ARHGAP26: variants seen among roughly 807,000 people sequenced by gnomAD.
ARHGAP26 encodes the protein Rho GTPase activating protein 26.
ARHGAP26 carries 38 observed loss-of-function variants against 104.8 expected under a neutral mutation model. The observed-to-expected ratio is 0.36, with a 90% CI of 0.28 to 0.48. ARHGAP26 has a LOEUF of 0.48. Ranked by LOEUF, ARHGAP26 falls within the 20% of genes least tolerant of loss-of-function variation. The pLI, the probability that ARHGAP26 is intolerant of heterozygous loss-of-function variation, is 0.99. For synonymous variants in ARHGAP26, 341 were observed against 340.0 expected (o/e 1.00, Z -0.03); for missense variants, 704 against 947.9 (o/e 0.74, Z 3.38).
chr5:142,887,873 G>C (rs979732063), intron 5 of ARHGAP26, among the ~76,000 whole-genome samples: 3 of 152,128 alleles, frequency 2.0e-5, no homozygotes, highest in African/African-American at 7.2e-5. Flanking sequence ...GCTGAGGCAG[G>C]AGAATTACTT....
At chr5:142,880,742 T>C (rs1343476274) in intron 4 of ARHGAP26, among the ~76,000 whole-genome samples, 1 of 152,168 alleles carries the variant, frequency 6.6e-6, no homozygotes, top group African/African-American at 2.4e-5. Context: ...TGGATTTTGC[T>C]TAGTTGCAAA....
chr5:142,795,633 G>A (rs562548190), intron 1 of ARHGAP26, among the ~76,000 whole-genome samples: 7 of 152,258 alleles, frequency 4.6e-5, no homozygotes, highest in South Asian at 2.1e-4. Flanking sequence ...AATTCCCTCC[G>A]TATCCACTTT....
chr5:143,142,212 C>T (rs956526373), intron 19 of ARHGAP26, among the ~76,000 whole-genome samples: 1 of 133,542 alleles, frequency 7.5e-6, no homozygotes, highest in South Asian at 2.5e-4. Context: ...GATCTTGGCT[C>T]ACTGCAACCT....
chr5:142,899,826 G>T (rs1039447048), intron 6 of ARHGAP26, among the ~76,000 whole-genome samples: 4 of 152,176 alleles, frequency 2.6e-5, no homozygotes, highest in African/African-American at 9.7e-5. Flanking sequence ...ATCAAGGCAT[G>T]AGACTAAAGG....
chr5:143,136,434 G>A (rs1797915039), intron 19 of ARHGAP26, among the ~76,000 whole-genome samples: 1 of 152,200 alleles, frequency 6.6e-6, no homozygotes, highest in Non-Finnish European at 1.5e-5. Flanking sequence ...ATACAGATAT[G>A]CTCAGATATT....
chr5:142,864,329 G>A (rs1325563189), intron 1 of ARHGAP26, among the ~76,000 whole-genome samples: 4 of 152,186 alleles, frequency 2.6e-5, no homozygotes, highest in Admixed American at 6.5e-5. Context: ...CTGTTTCCCC[G>A]GTGCATTTAA....
At chr5:143,183,341 C>T (rs1168682769) in intron 20 of ARHGAP26, among the ~76,000 whole-genome samples, 1 of 152,142 alleles carries the variant, frequency 6.6e-6, no homozygotes, top group African/African-American at 2.4e-5. Flanking sequence ...ATGGTAGGAC[C>T]TGCCTGCTGA....
intron 11 of ARHGAP26, among the ~76,000 whole-genome samples, chr5:142,983,214 T>C (rs1774210068): frequency 6.7e-6 from 1 of 149,878 alleles, no homozygotes; most frequent in South Asian, 2.1e-4. Context: ...TGCTGGTTCG[T>C]TGTTTTTTTT....
At chr5:142,860,374 G>A (rs547323503) in intron 1 of ARHGAP26, 5 of 152,258 alleles carry the variant, frequency 3.3e-5, no homozygotes, top group African/African-American at 1.2e-4. Context: ...TGTATGTCAG[G>A]TTTAATATTT....
intron 6 of ARHGAP26, among the ~76,000 whole-genome samples, chr5:142,896,787 G>A (rs923230056): frequency 1.1e-4 from 17 of 152,094 alleles, no homozygotes; most frequent in African/African-American, 3.9e-4. Context: ...GTGTTCTTGG[G>A]CAAGTTATTT....
chr5:143,002,212 C>G (rs1424189637), intron 11 of ARHGAP26, among the ~76,000 whole-genome samples: 10 of 152,196 alleles, frequency 6.6e-5, no homozygotes, highest in African/African-American at 1.2e-4. Flanking sequence ...CCCGTTGTTT[C>G]TCCTGGGCTG....
chr5:142,862,512 T>A (rs1753550631), intron 1 of ARHGAP26, among the ~76,000 whole-genome samples: 1 of 152,268 alleles, frequency 6.6e-6, no homozygotes, highest in Non-Finnish European at 1.5e-5. Flanking sequence ...AGTATTTTCC[T>A]TTTGTAATAT....
intron 12 of ARHGAP26, among the ~76,000 whole-genome samples, chr5:143,020,727 C>T (rs566504321): frequency 6.6e-6 from 1 of 150,460 alleles, no homozygotes; most frequent in Non-Finnish European, 1.5e-5. Flanking sequence ...CAAGCTCCCC[C>T]TCCCGGGTTC....
At chr5:143,219,263 A>G (rs1319557255) in intron 22 of ARHGAP26, among the ~76,000 whole-genome samples, 3 of 152,226 alleles carry the variant, frequency 2.0e-5, no homozygotes, top group Admixed American at 2.0e-4. Flanking sequence ...AGATAATAAT[A>G]ATACAAGCTG....
At chr5:142,842,461 C>G (rs1771005352) in intron 1 of ARHGAP26, among the ~76,000 whole-genome samples, 1 of 152,196 alleles carries the variant, frequency 6.6e-6, no homozygotes, top group African/African-American at 2.4e-5. Flanking sequence ...CTAAGCATAG[C>G]AGAACCTCTG....
chr5:142,771,856 C>T (rs951078741), intron 1 of ARHGAP26, among the ~76,000 whole-genome samples: 1 of 152,172 alleles, frequency 6.6e-6, no homozygotes, highest in Non-Finnish European at 1.5e-5. Context: ...GTTTCTTTTT[C>T]TGGCCAAATA....
At chr5:143,022,640 T>G (rs78194221) in intron 12 of ARHGAP26, among the ~76,000 whole-genome samples, 4,175 of 152,256 alleles carry the variant, frequency 0.027, 186 homozygotes, top group African/African-American at 0.095. Flanking sequence ...AAAATTAGTC[T>G]AAATGGGATG....
intron 1 of ARHGAP26, among the ~76,000 whole-genome samples, chr5:142,822,683 A>G (rs1346675939): frequency 6.6e-6 from 1 of 152,168 alleles, no homozygotes; most frequent in Non-Finnish European, 1.5e-5. Flanking sequence ...ATGTATATTC[A>G]TGTCACAATT....
intron 17 of ARHGAP26, among the ~76,000 whole-genome samples, chr5:143,058,565 A>G (rs1786208262): frequency 1.3e-5 from 2 of 152,270 alleles, no homozygotes; most frequent in Non-Finnish European, 1.5e-5. Flanking sequence ...GCACAAGAAA[A>G]GAATGAGAGC....
Sources: gnomAD v4.1 joint callset for allele counts (sites outside exome capture counted in the v4.1 genomes callset) on GRCh38, gnomAD v4.1.1 for gene constraint, MANE v1.5 for transcripts, NCBI Gene and HGNC (gene_info 2026-07-23, HGNC 2026-07-21) for gene names.